The following COX6A1 variants were observed in gnomAD, a reference collection of about 807,000 sequenced individuals.
COX6A1 encodes cytochrome c oxidase subunit 6A1.
Under a neutral mutation model 11.3 loss-of-function variants are expected in COX6A1, and 10 were observed. The observed-to-expected ratio is 0.88, with a 90% confidence interval of 0.54 to 1.50. COX6A1 has a LOEUF of 1.50. Ranked by LOEUF, COX6A1 falls within the 40% of genes most tolerant of loss-of-function variation. COX6A1 has a pLI of 0.00. For synonymous variants in COX6A1, 81 were observed against 60.6 expected (o/e 1.34, Z -1.57); for missense variants, 149 against 147.6 (o/e 1.01, Z -0.05).
intron 2 of COX6A1, chr12:120,438,751 C>T (rs1270613152): frequency 1.0e-5 from 5 of 480,186 alleles, no homozygotes; most frequent in Non-Finnish European, 1.5e-5. Context: ...TTTCCCTTTT[C>T]TCCGATTCAT....
rs201293121 is a variant in COX6A1 at position 120,438,402 on chromosome 12, T to C, written c.127T>C (p.Phe43Leu). ...AGCTCGCATGTGGAAGACTCTCACC[T>C]TCTTCGTCGCGCTCCCCGGGGTGGC... ...GSARMWKTLT[F>L]FVALPGVAVS... is the part of the protein sequence containing the mutation. The change falls in exon 2 of 3, where the codon TTC becomes CTC. Residue 43 changes from phenylalanine to leucine, a missense_variant. Coordinates refer to ENST00000229379, the MANE Select transcript of COX6A1 (RefSeq NM_004373.4). The C allele has an allele frequency of 1.2e-6, 2 of 1,614,238 alleles. No individual in the cohort carries two copies. The highest frequency in any genetic ancestry group is 4.5e-5 in the East Asian group (2 of 44,884).
In COX6A1 at chr12:120,438,537, T is replaced by C. The variant is rs1877630755; in HGVS notation, c.246+16T>C. 1.9e-6 allele frequency: 3 copies of C among 1,614,088 alleles called. No homozygotes were observed. The highest frequency in any genetic ancestry group is 4.5e-5 in the East Asian group (2 of 44,892). ...CAGGACCAAGGTACGCCCTTGTACA[T>C]CTCTTCAAGCGTCCGTTCTCTTTTC... On this transcript the variant is annotated intron_variant, in intron 2 of 2. Transcript: ENST00000229379.
intron 2 of COX6A1, among the ~76,000 whole-genome samples, chr12:120,439,791 G>C (rs1214245395): frequency 6.6e-6 from 1 of 152,008 alleles, no homozygotes; most frequent in Admixed American, 6.6e-5. Flanking sequence ...TTGTTGGGGG[G>C]CTATCTTGTG....
intron 2 of COX6A1, among the ~76,000 whole-genome samples, chr12:120,439,381 G>A (rs1877659028): frequency 6.6e-6 from 1 of 152,096 alleles, no homozygotes; most frequent in Non-Finnish European, 1.5e-5. Flanking sequence ...ACAAAAAGTA[G>A]CCGGGCGTGG....
intron 2 of COX6A1, 134 bp from the exon 3 acceptor site, chr12:120,440,320 C>A: frequency 6.4e-6 from 4 of 627,304 alleles, no homozygotes; most frequent in Admixed American, 5.5e-5. Context: ...GAAGGTTGAA[C>A]TACACCAGTA....
intron 2 of COX6A1, among the ~76,000 whole-genome samples, chr12:120,439,593 GTTATTA>G (rs568707652): frequency 2.1e-4 from 32 of 151,194 alleles, no homozygotes; most frequent in African/African-American, 3.9e-4. Context: ...GATGAAAAAA[GTTATTA>G]TTATTATTAT....
rs892576477 is a variant in COX6A1, at chr12:120,440,438, C to T, written c.247-16C>T. 1 of 1,593,516 alleles carries T rather than the reference C, an allele frequency of 6.3e-7. No individual in the cohort carries two copies. Among genetic ancestry groups the T allele is most frequent in the African/African-American group, 1.3e-5 (1 of 74,472 alleles). On this transcript the variant is annotated splice_polypyrimidine_tract_variant and intron_variant, in intron 2 of 2. Transcript: ENST00000229379. ...TTATTTTCTGGAATTATCTAACTGA[C>T]ATCTTCACTCCACAGCCGTTTCCCT...
chr12:120,439,478 G>A (rs913057646), intron 2 of COX6A1, among the ~76,000 whole-genome samples: 2 of 152,106 alleles, frequency 1.3e-5, no homozygotes, highest in Admixed American at 6.6e-5. Context: ...GTTGCAGTGA[G>A]CCAAGATCCA....
rs779149316 is a variant in COX6A1, at chr12:120,438,462, C to T, written c.187C>T (p.His63Tyr). The T allele has an allele frequency of 2.5e-5, 40 of 1,614,184 alleles. No homozygotes were observed. The East Asian group carries it at 8.9e-4, about 36-fold the overall frequency. ...SMLNVYLKSH[H>Y]GEHERPEFIA... ...GCTGAATGTGTACCTGAAGTCGCAC[C>T]ACGGAGAGCACGAGAGACCCGAGTT... The change falls in exon 2 of 3, where the codon CAC (histidine) becomes TAC (tyrosine). Residue 63 changes from histidine to tyrosine, a missense_variant. Transcript: ENST00000229379.
At chr12:120,438,637 C>T (rs751251283) in intron 2 of COX6A1, 116 bp downstream of exon 2, 20 of 1,403,478 alleles carry the variant, frequency 1.4e-5, no homozygotes, top group South Asian at 3.5e-5. Context: ...TGTTTATCCT[C>T]ACAAACAGAA....
rs200221639 is a variant in COX6A1, at chr12:120,438,131, C to T, written c.5C>T (p.Ala2Val). The change falls in exon 1 of 3, where the codon GCG becomes GTG. Residue 2 changes from alanine to valine, a missense_variant. Physicochemically the swap from Ala to Val is moderately conservative, Grantham distance 64. Transcript: ENST00000229379. ...CTGCGGCAGTCCAGATCAAAAATGGCGGTAGTTGGTGTGTCCTCGGTTTCT... is the reference window on the plus strand; with the variant it reads ...CTGCGGCAGTCCAGATCAAAAATGGTGGTAGTTGGTGTGTCCTCGGTTTCT... M[A>V]VVGVSSVSRL... The T allele has an allele frequency of 1.9e-6, 3 of 1,613,304 alleles. No homozygotes were observed. The highest frequency in any genetic ancestry group is 2.2e-5 in the East Asian group (1 of 44,874).
rs762182458 is a variant in COX6A1 at position 120,438,541 on chromosome 12, T to C, written c.246+20T>C. ...ACCAAGGTACGCCCTTGTACATCTC[T>C]TCAAGCGTCCGTTCTCTTTTCGTTA... On this transcript the variant is annotated intron_variant, in intron 2 of 2. Transcript: ENST00000229379. 8 of 1,614,136 alleles carry C rather than the reference T, an allele frequency of 5.0e-6. No individual in the cohort carries two copies. The South Asian group carries it at 8.8e-5, about 18-fold the overall frequency.
intron 2 of COX6A1, 23 bp from the exon 3 acceptor site, chr12:120,440,431 T>TA (rs1279922511): frequency 6.4e-7 from 1 of 1,573,588 alleles, no homozygotes; most frequent in Admixed American, 1.7e-5. Context: ...TGGAATTATC[T>TA]AACTGACATC....
Position 120,438,177 on chromosome 12 carries a change from C to A in COX6A1, c.51C>A (p.Arg17=). 6.2e-7 allele frequency: 1 copy of A among 1,613,928 alleles called. No homozygotes were observed. The highest frequency in any genetic ancestry group is 8.5e-7 in the Non-Finnish European group (1 of 1,179,972). ...TTTCTCGGCTGCTGGGTCGGTCCCG[C>A]CCACAGCTGGGGCGGCCTATGTCGA... ...SSVSRLLGRS[R]PQLGRPMSSG... is the part of the protein sequence containing the mutation. Residue 17 remains arginine, a synonymous_variant, in exon 1 of 3, where the codon CGC becomes CGA. Transcript: ENST00000229379.
chr12:120,439,328 A>G (rs889453202), intron 2 of COX6A1, among the ~76,000 whole-genome samples: 3 of 152,136 alleles, frequency 2.0e-5, no homozygotes, highest in African/African-American at 7.2e-5. Context: ...GGAGTTCAAG[A>G]CCAGCCTCGT....
Position 120,438,466 on chromosome 12 carries a change from G to A in COX6A1, c.191G>A (p.Gly64Glu). The change falls in exon 2 of 3, where the codon GGA becomes GAA. Residue 64 changes from glycine to glutamate, a missense_variant. Coordinates refer to ENST00000229379, the MANE Select transcript of COX6A1 (RefSeq NM_004373.4). ...MLNVYLKSHH[G>E]EHERPEFIAY... ...AATGTGTACCTGAAGTCGCACCACG[G>A]AGAGCACGAGAGACCCGAGTTCATC... The A allele has an allele frequency of 1.9e-6, 3 of 1,614,190 alleles. No homozygotes were observed. Among genetic ancestry groups the A allele is most frequent in the Non-Finnish European group, 8.5e-7 (1 of 1,180,038 alleles).
rs1484258256 is a variant in COX6A1, at chr12:120,438,157, C to G, written c.31C>G (p.Arg11Gly). The G allele has an allele frequency of 6.2e-7, 1 of 1,613,780 alleles. No homozygotes were observed. The highest frequency in any genetic ancestry group is 8.5e-7 in the Non-Finnish European group (1 of 1,179,928). ...GGTAGTTGGTGTGTCCTCGGTTTCT[C>G]GGCTGCTGGGTCGGTCCCGCCCACA... MAVVGVSSVS[R>G]LLGRSRPQLG... Residue 11 changes from arginine to glycine, a missense_variant, in exon 1 of 3, where the codon CGG (arginine) becomes GGG (glycine). Coordinates refer to ENST00000229379, the MANE Select transcript of COX6A1 (RefSeq NM_004373.4).
At position 120,438,415 on chromosome 12, in the gene COX6A1, T is replaced by C. The variant is rs1261068080; in HGVS notation, c.140T>C (p.Leu47Pro). The part of the protein sequence containing the change: ...MWKTLTFFVA[L>P]PGVAVSMLNV... ...AAGACTCTCACCTTCTTCGTCGCGC[T>C]CCCCGGGGTGGCAGTCAGCATGCTG... is the stretch of plus-strand genomic sequence containing the variant. Residue 47 changes from leucine (L) to proline (P), a missense_variant, in exon 2 of 3, where the codon CTC (leucine) becomes CCC (proline). Physicochemically the swap from Leu to Pro is moderately conservative, Grantham distance 98. Coordinates refer to ENST00000229379, the MANE Select transcript of COX6A1 (RefSeq NM_004373.4). The C allele has an allele frequency of 1.2e-6, 2 of 1,614,068 alleles. No individual in the cohort carries two copies. The highest frequency in any genetic ancestry group is 8.5e-7 in the Non-Finnish European group (1 of 1,180,022).
chr12:120,438,578 G>A (rs1382013354), intron 2 of COX6A1, 57 bp downstream of exon 2: 1 of 1,612,622 alleles, frequency 6.2e-7, no homozygotes, highest in African/African-American at 1.3e-5. Flanking sequence ...GTGTGCCTTA[G>A]TGCAAGTTCT....
Sources: gnomAD v4.1 joint callset for allele counts (sites outside exome capture counted in the v4.1 genomes callset) on GRCh38, gnomAD v4.1.1 for gene constraint, MANE v1.5 for transcripts, NCBI Gene and HGNC (gene_info 2026-07-23, HGNC 2026-07-21) for gene names.